Variants in CCDC178 observed in about 807,000 individuals in gnomAD.
CCDC178 encodes coiled-coil domain containing 178.
CCDC178 carries 126 observed loss-of-function variants against 117.4 expected under a neutral mutation model. The ratio of observed to expected loss-of-function variants is 1.07; its 90% CI spans 0.93 to 1.24. The LOEUF is 1.24. CCDC178 is among the 50% of genes most tolerant of loss of function. CCDC178 has a pLI of 0.00. For missense variants in CCDC178, 1,030 were observed against 986.9 expected (o/e 1.04, Z -0.59); for synonymous variants, 283 against 313.4 (o/e 0.90, Z 1.02).
At chr18:33,274,274 C>T (rs567007583) in intron 12 of CCDC178, among the ~76,000 whole-genome samples, 2 of 151,650 alleles carry the variant, frequency 1.3e-5, no homozygotes, top group South Asian at 2.1e-4. Flanking sequence ...GCTAAGAATA[C>T]GTTAGAATTG....
chr18:33,355,569 T>C (rs2063042545), intron 7 of CCDC178, among the ~76,000 whole-genome samples: 1 of 152,318 alleles, frequency 6.6e-6, no homozygotes, highest in Admixed American at 6.5e-5. Context: ...TTTTTGAACA[T>C]TTTTCCAGCC....
chr18:33,188,110 A>C (rs1420522637), intron 20 of CCDC178, among the ~76,000 whole-genome samples: 1 of 152,158 alleles, frequency 6.6e-6, no homozygotes, highest in East Asian at 1.9e-4. Flanking sequence ...GCTGGAGTGT[A>C]GGGAACAAAT....
At chr18:33,304,105 G>A (rs971551967) in intron 11 of CCDC178, among the ~76,000 whole-genome samples, 2 of 152,150 alleles carry the variant, frequency 1.3e-5, no homozygotes, top group Non-Finnish European at 2.9e-5. Context: ...GTAGCAACAG[G>A]AGCCTGCATT....
rs2056643864 is a variant in CCDC178 at position 33,046,413 on chromosome 18, T to A, written c.2388+46348A>T. On this transcript the variant is annotated intron_variant, in intron 21 of 22. Coordinates refer to ENST00000383096, the MANE Select transcript of CCDC178 (RefSeq NM_001105528.4). The stretch of plus-strand genomic sequence containing the variant: ...CCAGTCTCATGGTAGCCCAAACTCA[T>A]TTTTGATGGCCTAGAGAGACAACTT... Among the ~76,000 whole-genome samples, 4 of 152,268 alleles carry A rather than the reference T, an allele frequency of 2.6e-5. No individual in the cohort carries two copies. In the South Asian group the frequency reaches 8.3e-4, roughly 32 times the overall value.
intron 6 of CCDC178, among the ~76,000 whole-genome samples, chr18:33,369,732 C>T (rs1250767734): frequency 6.6e-6 from 1 of 151,854 alleles, no homozygotes; most frequent in Non-Finnish European, 1.5e-5. Context: ...AGTTTAGTGT[C>T]CCAAAAAGTA....
intron 12 of CCDC178, among the ~76,000 whole-genome samples, chr18:33,279,178 G>A (rs1466843591): frequency 6.6e-6 from 1 of 152,162 alleles, no homozygotes; most frequent in Non-Finnish European, 1.5e-5. Flanking sequence ...CCTGTTTGCA[G>A]ACGACATAAT....
chr18:33,370,209 G>A lies in CCDC178; in HGVS notation c.209-20C>T, dbSNP rs115768057. 9.8e-4 allele frequency: 1,522 copies of A among 1,545,250 alleles called. 16 individuals are homozygous for A. The African/African-American group carries it at 0.018, about 18-fold the overall frequency. On this transcript the variant is annotated intron_variant, in intron 5 of 22. Coordinates refer to ENST00000383096, the MANE Select transcript of CCDC178 (RefSeq NM_001105528.4). ...TCACCCCTAAAGAGAACAAATAGAA[G>A]TTCATTACTCATTCTATACAAAGTA...
At chr18:33,275,862 T>G (rs999465323) in intron 12 of CCDC178, among the ~76,000 whole-genome samples, 26 of 152,018 alleles carry the variant, frequency 1.7e-4, no homozygotes, top group African/African-American at 6.3e-4. Context: ...TGATTGATAT[T>G]ATGACATGTT....
intron 11 of CCDC178, among the ~76,000 whole-genome samples, chr18:33,302,154 C>T (rs2062185212): frequency 6.6e-6 from 1 of 152,138 alleles, no homozygotes; most frequent in African/African-American, 2.4e-5. Context: ...CCCATTCTCA[C>T]CATGTGACAT....
Position 33,293,170 on chromosome 18 carries a change from G to A in CCDC178, c.1165C>T (p.Leu389=). Residue 389 remains leucine (L), a synonymous_variant, in exon 12 of 23, where the codon CTA becomes TTA. Transcript: ENST00000383096. ...TKSSKNELHS[L]SKMLEDLRRV... ...TATGAAAAACTCACCATTTTTGATA[G>A]AGAATGTAATTCATTTTTTGATGAC... 2 of 1,570,610 alleles carry A rather than the reference G, an allele frequency of 1.3e-6. No homozygotes were observed. The highest frequency in any genetic ancestry group is 8.6e-7 in the Non-Finnish European group (1 of 1,156,742).
intron 21 of CCDC178, among the ~76,000 whole-genome samples, chr18:33,052,545 C>A (rs1011853384): frequency 1.3e-5 from 2 of 151,938 alleles, no homozygotes; most frequent in Admixed American, 6.6e-5. Flanking sequence ...TAGAGTCCAT[C>A]CAAATCACTA....
At chr18:33,046,933 G>C (rs2056654763) in intron 21 of CCDC178, among the ~76,000 whole-genome samples, 1 of 152,144 alleles carries the variant, frequency 6.6e-6, no homozygotes, top group Admixed American at 6.6e-5. Context: ...GTATTTGACT[G>C]ACTCTAACAA....
intron 20 of CCDC178, among the ~76,000 whole-genome samples, chr18:33,093,315 G>A (rs1422617493): frequency 1.3e-5 from 2 of 152,006 alleles, no homozygotes; most frequent in Non-Finnish European, 2.9e-5. Context: ...GTGCTTAAAT[G>A]AGTAGATGGT....
At chr18:33,096,975 A>G (rs1264333923) in intron 20 of CCDC178, among the ~76,000 whole-genome samples, 3 of 152,110 alleles carry the variant, frequency 2.0e-5, no homozygotes, top group Admixed American at 1.3e-4. Flanking sequence ...AGGCCGAGAG[A>G]TATCAGTTGA....
At chr18:33,320,051 G>A (rs1350108627) in intron 11 of CCDC178, among the ~76,000 whole-genome samples, 1 of 152,120 alleles carries the variant, frequency 6.6e-6, no homozygotes, top group Non-Finnish European at 1.5e-5. Context: ...AGCCCTTCAT[G>A]CTAAAAACTC....
chr18:33,194,322 T>G (rs902584691), intron 20 of CCDC178, among the ~76,000 whole-genome samples: 1 of 152,112 alleles, frequency 6.6e-6, no homozygotes, highest in African/African-American at 2.4e-5. Flanking sequence ...GATAATGAAA[T>G]AGGTAATCCT....
chr18:33,397,067 T>A, intron 4 of CCDC178, 82 bp downstream of exon 4: 1 of 880,306 alleles, frequency 1.1e-6, no homozygotes, highest in Non-Finnish European at 1.8e-6. Flanking sequence ...CTGAAATTAT[T>A]TTCATGCTTA....
At chr18:33,081,004 A>T (rs1189271747) in intron 21 of CCDC178, among the ~76,000 whole-genome samples, 1 of 152,228 alleles carries the variant, frequency 6.6e-6, no homozygotes, top group Non-Finnish European at 1.5e-5. Context: ...AACACCTTAT[A>T]GGAAGTAGGG....
intron 21 of CCDC178, among the ~76,000 whole-genome samples, chr18:33,060,329 T>C (rs573014129): frequency 2.6e-5 from 4 of 152,152 alleles, no homozygotes; most frequent in Non-Finnish European, 4.4e-5. Context: ...CTATAGAAAA[T>C]ACTTGCCATA....
Sources: allele counts gnomAD v4.1 joint callset (sites outside exome capture counted in the v4.1 genomes callset), GRCh38; gene constraint gnomAD v4.1.1; transcripts MANE v1.5; gene names NCBI Gene and HGNC (gene_info 2026-07-23, HGNC 2026-07-21).